Variants in PCDHGA3 observed in about 807,000 individuals in gnomAD.
The protein encoded by PCDHGA3 is protocadherin gamma-A3.
Under a neutral mutation model 58.5 loss-of-function variants are expected in PCDHGA3, and 40 were observed. That is an observed-to-expected ratio of 0.68 (90% CI 0.53 to 0.89). PCDHGA3 has a LOEUF of 0.89. Ranked by LOEUF, PCDHGA3 falls within the 40% of genes least tolerant of loss-of-function variation. The probability of loss-of-function intolerance (pLI) is 0.00; values close to 1 mark genes in which losing one functional copy is unlikely to be tolerated. For missense variants in PCDHGA3, 1,223 were observed against 1,195.9 expected, an observed-to-expected ratio of 1.02 and a Z score of -0.33; for synonymous variants, 530 against 525.7, an observed-to-expected ratio of 1.01 and a Z score of -0.11.
Position 141,487,059 on chromosome 5 carries a change from G to A in PCDHGA3, c.2425-7748G>A, listed in dbSNP as rs760836605. 1.7e-5 allele frequency: 27 copies of A among 1,613,952 alleles called. No homozygotes were observed. Among genetic ancestry groups the A allele is most frequent in the Non-Finnish European group, 2.0e-5 (24 of 1,179,994 alleles). On this transcript the variant is annotated intron_variant, in intron 1 of 3. Transcript: ENST00000253812. This position sits in a 1 kb window ranked among gnomAD's most constrained non-coding sequence, Gnocchi z 5.0. ...GTCTCTCGATATGCTGGGGAGGTGC[G>A]GACGGCTGTTCCTATCCCAGCTGAC...
chr5:141,377,619 G>T (rs1248552210), intron 1 of PCDHGA3: 2 of 145,890 alleles, frequency 1.4e-5, no homozygotes, highest in Admixed American at 1.4e-4. Flanking sequence ...AAAAAAAAAA[G>T]ATTTTGTTTT....
At chr5:141,492,189 G>C (rs2099737936) in intron 1 of PCDHGA3, among the ~76,000 whole-genome samples, 1 of 152,204 alleles carries the variant, frequency 6.6e-6, no homozygotes, top group Non-Finnish European at 1.5e-5. Context: ...GCACCTGTCT[G>C]CGGGACTTAG....
intron 1 of PCDHGA3, among the ~76,000 whole-genome samples, chr5:141,473,759 C>G (rs989399714): frequency 3.3e-5 from 5 of 152,158 alleles, no homozygotes; most frequent in African/African-American, 1.2e-4. Flanking sequence ...GGATACTATG[C>G]AAAGGATTTG....
rs143083513 is a variant in PCDHGA3 at position 141,431,088 on chromosome 5, T to C, written c.2425-63719T>C. On this transcript the variant is annotated intron_variant, in intron 1 of 3. Coordinates refer to ENST00000253812, the MANE Select transcript of PCDHGA3 (RefSeq NM_018916.4). This position sits in a 1 kb window ranked among gnomAD's most constrained non-coding sequence, Gnocchi z 4.8. The stretch of plus-strand genomic sequence containing the variant: ...TGTCAATTAAATCTAGACATTCTGA[T>C]GGAGGATAAAGTGAAAATATATGGA... 106 of 1,614,180 alleles carry C rather than the reference T, an allele frequency of 6.6e-5. 1 individual carries two copies. The highest frequency in any genetic ancestry group is 3.1e-4 in the East Asian group (14 of 44,890).
At chr5:141,364,315 G>A (rs371423509) in intron 1 of PCDHGA3, 156 of 1,524,232 alleles carry the variant, frequency 1.0e-4, no homozygotes, top group Non-Finnish European at 1.2e-4. Flanking sequence ...AGAGAAAATT[G>A]GGCAGAGAGA....
intron 1 of PCDHGA3, among the ~76,000 whole-genome samples, chr5:141,407,487 C>T (rs928735518): frequency 7.0e-6 from 1 of 142,894 alleles, no homozygotes; most frequent in African/African-American, 2.6e-5. Context: ...TATGGAAAAT[C>T]TTTATTTCTG....
intron 1 of PCDHGA3, chr5:141,361,050 T>A (rs370096238): frequency 1.9e-6 from 3 of 1,613,586 alleles, no homozygotes; most frequent in Non-Finnish European, 1.7e-6. Context: ...CGACAAAGGA[T>A]GATTTGGATT....
chr5:141,421,487 C>G (rs1447180364), intron 1 of PCDHGA3: 2 of 1,614,094 alleles, frequency 1.2e-6, no homozygotes, highest in Non-Finnish European at 1.7e-6. Context: ...AGCTTGATCA[C>G]GGCAGGCAGG....
At chr5:141,420,672 G>T (rs1478670282) in intron 1 of PCDHGA3, among the ~76,000 whole-genome samples, 1 of 152,296 alleles carries the variant, frequency 6.6e-6, no homozygotes, top group African/African-American at 2.4e-5. Flanking sequence ...CCTACCTGAT[G>T]ATTTTATCGG....
Position 141,344,453 on chromosome 5 carries a change from A to G in PCDHGA3, c.420A>G (p.Ile140Met). The G allele has an allele frequency of 6.2e-7, 1 of 1,613,800 alleles. No homozygotes were observed. The highest frequency in any genetic ancestry group is 8.5e-7 in the Non-Finnish European group (1 of 1,179,790). ...APNFPTEELEIKIGELTVPGT... is the reference protein window; with the variant it reads ...APNFPTEELEMKIGELTVPGT... ...ATTTCCCAACAGAGGAATTGGAAAT[A>G]AAAATTGGTGAACTAACGGTTCCTG... Residue 140 changes from isoleucine (I) to methionine (M), a missense_variant, in exon 1 of 4, where the codon ATA becomes ATG. By Grantham distance (10) the Ile-to-Met change is conservative (BLOSUM62 1). Transcript: ENST00000253812.
rs2097461148 is a variant in PCDHGA3 at position 141,432,174 on chromosome 5, T to C, written c.2425-62633T>C. ...AACAATCCCAGAGGAGTTTCCCTCGTCTCTGTGACCGCCCACGACCCCGAC... is the reference window on the plus strand; with the variant it reads ...AACAATCCCAGAGGAGTTTCCCTCGCCTCTGTGACCGCCCACGACCCCGAC... On this transcript the variant is annotated intron_variant, in intron 1 of 3. Transcript: ENST00000253812. The surrounding 1 kb of genome is among the most constrained non-coding windows in gnomAD (Gnocchi z 6.0). 1 of 1,614,088 alleles carries C rather than the reference T, an allele frequency of 6.2e-7. No homozygotes were observed. Among genetic ancestry groups the C allele is most frequent in the Non-Finnish European group, 8.5e-7 (1 of 1,180,022 alleles).
intron 1 of PCDHGA3, chr5:141,399,277 G>T: frequency 6.2e-7 from 1 of 1,613,890 alleles, no homozygotes; most frequent in Non-Finnish European, 8.5e-7. Flanking sequence ...TCAATTACAA[G>T]GCGAAGTCCC....
intron 1 of PCDHGA3, chr5:141,351,358 AG>A: frequency 6.2e-7 from 1 of 1,613,168 alleles, no homozygotes; most frequent in Non-Finnish European, 8.5e-7. Context: ...CCCTCATAAA[AG>A]TGCGAGACAA....
chr5:141,421,433 C>A lies in PCDHGA3; in HGVS notation c.2425-73374C>A, dbSNP rs772564300. 5 of 1,614,074 alleles carry A rather than the reference C, an allele frequency of 3.1e-6. No homozygotes were observed. In the African/African-American group the frequency reaches 4.0e-5, roughly 13 times the overall value. On this transcript the variant is annotated intron_variant, in intron 1 of 3. Coordinates refer to ENST00000253812, the MANE Select transcript of PCDHGA3 (RefSeq NM_018916.4). ...GCGAAGCGCGGAGTCCGCATCGTCTCCAGAGGGAAGACACAGCTTTTCGCT... is the reference window on the plus strand; with the variant it reads ...GCGAAGCGCGGAGTCCGCATCGTCTACAGAGGGAAGACACAGCTTTTCGCT...
At chr5:141,374,238 T>C (rs1770300892) in intron 1 of PCDHGA3, 2 of 1,614,016 alleles carry the variant, frequency 1.2e-6, no homozygotes, top group African/African-American at 1.3e-5. Context: ...GTCAAGGATC[T>C]GGGACTGGAG....
chr5:141,347,903 G>A (rs1758036898), intron 1 of PCDHGA3, among the ~76,000 whole-genome samples: 1 of 152,162 alleles, frequency 6.6e-6, no homozygotes, highest in Non-Finnish European at 1.5e-5. Flanking sequence ...TTGCCTGAGG[G>A]TGGAAAGCTC....
chr5:141,355,151 C>A, intron 1 of PCDHGA3: 1 of 1,548,600 alleles, frequency 6.5e-7, no homozygotes, highest in Middle Eastern at 2.4e-4. Flanking sequence ...GCTCCTCAGG[C>A]CTCGACAGAG....
chr5:141,418,246 C>T lies in PCDHGA3; in HGVS notation c.2424+71789C>T, dbSNP rs200526306. 4.5e-5 allele frequency: 72 copies of T among 1,614,020 alleles called. No individual in the cohort carries two copies. The African/African-American group carries it at 8.9e-4, about 20-fold the overall frequency. On this transcript the variant is annotated intron_variant, in intron 1 of 3. Coordinates refer to ENST00000253812, the MANE Select transcript of PCDHGA3 (RefSeq NM_018916.4). The stretch of plus-strand genomic sequence containing the variant: ...TGGTGATTGAGGATGTTAATGACCA[C>T]GCCCCTCAATTCCGGAAAGATGAAA...
At chr5:141,355,957 G>C in intron 1 of PCDHGA3, 1 of 1,613,890 alleles carries the variant, frequency 6.2e-7, no homozygotes, top group Non-Finnish European at 8.5e-7. Context: ...AAGTGTTCGT[G>C]AGAACGTTCC....
Sources: allele counts gnomAD v4.1 joint callset (sites outside exome capture counted in the v4.1 genomes callset), GRCh38; gene constraint gnomAD v4.1.1; non-coding constraint Gnocchi (gnomAD v3.1); transcripts MANE v1.5; gene names NCBI Gene and HGNC (gene_info 2026-07-23, HGNC 2026-07-21).